ANKLE2: variants seen among roughly 807,000 people sequenced by gnomAD.
The protein encoded by ANKLE2 is ankyrin repeat and LEM domain containing 2.
A neutral mutation model predicts 84.2 loss-of-function variants in ANKLE2; 55 were observed. That is an observed-to-expected ratio of 0.65 (90% CI 0.53 to 0.82). ANKLE2 has a LOEUF of 0.82. ANKLE2 is among the 40% of genes least tolerant of loss of function. ANKLE2 has a pLI of 0.00. For missense variants in ANKLE2, 1,238 were observed against 1,201.9 expected, an observed-to-expected ratio of 1.03 and a Z score of -0.44; for synonymous variants, 551 against 486.1, an observed-to-expected ratio of 1.13 and a Z score of -1.76.
chr12:132,734,073 T>TCAAAAA, intron 10 of ANKLE2: 1 of 442,592 alleles, frequency 2.3e-6, no homozygotes, highest in Admixed American at 2.7e-5. Flanking sequence ...GCATCTCCAC[T>TCAAAAA]AAAAAAAAAA....
At chr12:132,751,665 C>A (rs1234671511) in intron 2 of ANKLE2, among the ~76,000 whole-genome samples, 1 of 151,860 alleles carries the variant, frequency 6.6e-6, no homozygotes, top group Non-Finnish European at 1.5e-5. Flanking sequence ...GTCTCAGCCT[C>A]CCGTGTAGCT....
rs146568518 is a variant in ANKLE2, at chr12:132,739,949, T to A, written c.1420+1470A>T. On this transcript the variant is annotated intron_variant, in intron 7 of 12. Coordinates refer to ENST00000357997, the MANE Select transcript of ANKLE2 (RefSeq NM_015114.3). ...AGCTGCCTTCTCCTCAGCAAACAGC[T>A]GCTGGGGCAGATCTTAGAGGCGACA... Among the ~76,000 whole-genome samples, 684 of 152,362 alleles carry A rather than the reference T, an allele frequency of 4.5e-3. 3 individuals are homozygous for A. The highest frequency in any genetic ancestry group is 8.2e-3 in the Non-Finnish European group (555 of 68,032).
intron 3 of ANKLE2, among the ~76,000 whole-genome samples, chr12:132,749,711 C>T (rs186852406): frequency 5.9e-5 from 9 of 152,294 alleles, no homozygotes; most frequent in African/African-American, 2.2e-4. Flanking sequence ...GGAGGTTCTA[C>T]CCCACACTGA....
intron 1 of ANKLE2, chr12:132,760,506 G>C (rs1267988139): frequency 1.3e-5 from 2 of 152,226 alleles, no homozygotes; most frequent in Non-Finnish European, 2.9e-5. Flanking sequence ...TTTGACCTGC[G>C]CTTGGGACCG....
At chr12:132,758,561 T>A (rs1555243492) in intron 1 of ANKLE2, 1 of 152,160 alleles carries the variant, frequency 6.6e-6, no homozygotes, top group Non-Finnish European at 1.5e-5. Context: ...TCTTGCTCTG[T>A]CGCCCAGGCT....
intron 10 of ANKLE2, among the ~76,000 whole-genome samples, chr12:132,733,249 A>T (rs1248484454): frequency 6.4e-4 from 38 of 59,818 alleles, no homozygotes; most frequent in South Asian, 2.2e-3. Flanking sequence ...CGTGTGAAGC[A>T]CTGCGCGTCC....
rs545743840 is a variant in ANKLE2, at chr12:132,737,446, G to A, written c.1421-381C>T. Reference sequence around the variant, plus strand: ...ATATTTCATTCCAGCCGGGTGCGGTGGCTCACGCCTGTAATCCTACCACTT... The same window carrying A: ...ATATTTCATTCCAGCCGGGTGCGGTAGCTCACGCCTGTAATCCTACCACTT... On this transcript the variant is annotated intron_variant, in intron 7 of 12. Transcript: ENST00000357997. 7.1e-4 allele frequency: 115 copies of A among 161,306 alleles called. 1 individual carries two copies. Among genetic ancestry groups the A allele is most frequent in the Admixed American group, 1.9e-3 (31 of 16,732 alleles). The allele number at this position is 161,306 out of a possible 1,614,324, so 10.0% of individuals were successfully genotyped here. A position where few individuals can be genotyped will look rare whatever the true frequency, so the allele number is the denominator to read the frequency against.
At position 132,729,676 on chromosome 12, in the gene ANKLE2, T is replaced by C; in HGVS notation, c.2483+3A>G. On this transcript the variant is annotated splice_donor_region_variant and intron_variant, in intron 11 of 12. Coordinates refer to ENST00000357997, the MANE Select transcript of ANKLE2 (RefSeq NM_015114.3). Reference sequence around the variant, plus strand: ...GTGAGTGCAGAGGGCAACACACTCCTACCCAAAAAGGAAGAGCCGCCTGGC... The same window carrying C: ...GTGAGTGCAGAGGGCAACACACTCCCACCCAAAAAGGAAGAGCCGCCTGGC... 1.9e-6 allele frequency: 3 copies of C among 1,591,206 alleles called. No individual in the cohort carries two copies. Among genetic ancestry groups the C allele is most frequent in the South Asian group, 2.2e-5 (2 of 89,780 alleles).
In ANKLE2 at chr12:132,733,334, C is replaced by T. The variant is rs1423191481; in HGVS notation, c.1891+1051G>A. On this transcript the variant is annotated intron_variant, in intron 10 of 12. Transcript: ENST00000357997. ...GTGCACCGTGTGAAGCTCTCTGCGT[C>T]CTGGTGTCTGATATGCACCGTGTGA... is the stretch of plus-strand genomic sequence containing the variant. 6.8e-5 allele frequency among the ~76,000 whole-genome samples: 9 copies of T among 133,154 alleles called. No individual in the cohort carries two copies. In the Admixed American group the frequency reaches 6.8e-4, roughly 10 times the overall value. The allele number at this position is 133,154 out of a possible 152,430, so 87.4% of individuals were successfully genotyped here.
chr12:132,753,437 C>T (rs1208100460), intron 2 of ANKLE2, among the ~76,000 whole-genome samples: 2 of 151,764 alleles, frequency 1.3e-5, no homozygotes, highest in African/African-American at 4.8e-5. Flanking sequence ...TCGAGAGAAG[C>T]GTGGGCAACG....
At position 132,726,279 on chromosome 12, in the gene ANKLE2, G is replaced by C. The variant is rs1413888188; in HGVS notation, c.*963C>G. On this transcript the variant is annotated 3_prime_UTR_variant, in exon 13 of 13. Coordinates refer to ENST00000357997, the MANE Select transcript of ANKLE2 (RefSeq NM_015114.3). The stretch of plus-strand genomic sequence containing the variant: ...AGACCTTCATTCAAGTCAAGGTGAA[G>C]GCTACAGTCAGCACGGCAAGAAACC... The C allele has an allele frequency of 6.5e-6, 1 of 153,220 alleles. No homozygotes were observed. The highest frequency in any genetic ancestry group is 6.5e-5 in the Admixed American group (1 of 15,290). 9.5% of individuals were successfully genotyped at this position (153,220 alleles called of 1,614,324 possible). A position where few individuals can be genotyped will look rare whatever the true frequency, so the allele number is the denominator to read the frequency against.
At chr12:132,735,067 T>G in intron 9 of ANKLE2, 2 of 319,378 alleles carry the variant, frequency 6.3e-6, no homozygotes, top group South Asian at 8.4e-5. Flanking sequence ...AATTTAGCTT[T>G]GTGGCTATGG....
At position 132,736,940 on chromosome 12, in the gene ANKLE2, G is replaced by A; in HGVS notation, c.1546C>T (p.Pro516Ser). Residue 516 changes from proline to serine, a missense_variant, in exon 8 of 13, where the codon CCG becomes TCG. This residue lies in a region of ANKLE2 where 802 missense variants were observed against 774.5 expected (regional missense o/e 1.04). Coordinates refer to ENST00000357997, the MANE Select transcript of ANKLE2 (RefSeq NM_015114.3). Reference protein sequence around the residue: ...VSRYGGSPRDPVLTLRAFAGP... With the variant: ...VSRYGGSPRDSVLTLRAFAGP... ...GCGAAGGCTCTCAGGGTCAGTACCG[G>A]GTCTCTGGGGCTGCCTCCATAGCGG... is the stretch of plus-strand genomic sequence containing the variant. The A allele has an allele frequency of 1.9e-6, 3 of 1,613,800 alleles. No homozygotes were observed. The highest frequency in any genetic ancestry group is 2.5e-6 in the Non-Finnish European group (3 of 1,179,796).
chr12:132,744,881 C>G (rs2044202885), intron 5 of ANKLE2, among the ~76,000 whole-genome samples: 2 of 152,306 alleles, frequency 1.3e-5, no homozygotes, highest in Middle Eastern at 6.8e-3. Flanking sequence ...GGGGTTTCAC[C>G]GTGTTAGCCA....
chr12:132,730,403 C>T (rs988979447), intron 10 of ANKLE2, 133 bp from the exon 11 acceptor site: 12 of 185,386 alleles, frequency 6.5e-5, no homozygotes, highest in African/African-American at 8.7e-5. Flanking sequence ...CCACTCCATC[C>T]GCGACCAACT....
In ANKLE2 at chr12:132,743,659, T is replaced by TA. The variant is rs72471890; in HGVS notation, c.1231-384dup. Among the ~76,000 whole-genome samples the TA allele has an allele frequency of 2.6e-4, 39 of 148,444 alleles. 1 individual carries two copies. In the East Asian group the frequency reaches 3.2e-3, roughly 12 times the overall value. On this transcript the variant is annotated intron_variant, in intron 5 of 12. Transcript: ENST00000357997. The surrounding 1 kb of genome is among the most constrained non-coding windows in gnomAD (Gnocchi z 4.1). ...TCACCGAGCCTGGCTTATACTTTTTTAAAAAAAAAAAGACTCACAAACAAA... is the reference window on the plus strand; with the variant it reads ...TCACCGAGCCTGGCTTATACTTTTTTAAAAAAAAAAAAGACTCACAAACAAA...
chr12:132,761,627 G>A lies in ANKLE2; in HGVS notation c.172C>T (p.Pro58Ser), dbSNP rs906338829. The change falls in exon 1 of 13, where the codon CCC (proline) becomes TCC (serine). Residue 58 changes from proline to serine, a missense_variant. By Grantham distance (74) the Pro-to-Ser change is moderately conservative. Around this residue, in one of 3 missense-constraint regions of ANKLE2, gnomAD observed 422 missense variants for 394.5 expected, o/e 1.07. Transcript: ENST00000357997. The part of the protein sequence containing the change: ...PVPPPSAAAA[P>S]ASGEMTMDAL... The stretch of plus-strand genomic sequence containing the variant: ...ACCGCCTGGGCCTTACCTGAGGCGG[G>A]GGCGGCGGCCGCGCTTGGCGGAGGA... The A allele has an allele frequency of 1.1e-5, 14 of 1,257,976 alleles. No homozygotes were observed. Among genetic ancestry groups the A allele is most frequent in the Non-Finnish European group, 1.3e-5 (13 of 1,001,876 alleles). 77.9% of individuals were successfully genotyped at this position (1,257,976 alleles called of 1,614,324 possible). A position where few individuals can be genotyped will look rare whatever the true frequency, so the allele number is the denominator to read the frequency against.
rs765299757 is a variant in ANKLE2, at chr12:132,754,954, A to G, written c.361T>C (p.Tyr121His). The stretch of plus-strand genomic sequence containing the variant: ...GCTGTGACACCTGCCTCATGGTGGT[A>G]GAAAGAAGACAGCCTTCCTCCTTGC... ...LEQGGRLSSFYHHEAGVTALS... is the reference protein window; with the variant it reads ...LEQGGRLSSFHHHEAGVTALS... The change falls in exon 2 of 13, where the codon TAC (tyrosine) becomes CAC (histidine). Residue 121 changes from tyrosine (Y) to histidine (H), a missense_variant. By Grantham distance (83) the Tyr-to-His change is moderately conservative. Coordinates refer to ENST00000357997, the MANE Select transcript of ANKLE2 (RefSeq NM_015114.3). 2 of 1,614,234 alleles carry G rather than the reference A, an allele frequency of 1.2e-6. No homozygotes were observed. The highest frequency in any genetic ancestry group is 1.7e-6 in the Non-Finnish European group (2 of 1,180,042).
intron 5 of ANKLE2, among the ~76,000 whole-genome samples, chr12:132,746,812 T>C (rs1350341912): frequency 6.6e-6 from 1 of 152,202 alleles, no homozygotes; most frequent in Admixed American, 6.5e-5. Context: ...ACACCTGGCC[T>C]GTGTGACTGC....
Sources: allele counts gnomAD v4.1 joint callset (sites outside exome capture counted in the v4.1 genomes callset), GRCh38; gene constraint gnomAD v4.1.1; regional missense constraint gnomAD v4.1.1; non-coding constraint Gnocchi (gnomAD v3.1); transcripts MANE v1.5; gene names NCBI Gene and HGNC (gene_info 2026-07-23, HGNC 2026-07-21).